Variants in EXD3 observed in about 807,000 individuals in gnomAD.
EXD3 encodes exonuclease 3'-5' domain containing 3.
In EXD3, 92 loss-of-function variants were observed where a neutral mutation model predicts 98.0. The observed-to-expected ratio is 0.94, with a 90% CI of 0.79 to 1.12. EXD3 has a LOEUF of 1.12. EXD3 is among the 50% of genes most tolerant of loss of function. EXD3 has a pLI of 0.00. For synonymous variants in EXD3, 569 were observed against 526.0 expected, an observed-to-expected ratio of 1.08 and a Z score of -1.12; for missense variants, 1,222 against 1,191.6, an observed-to-expected ratio of 1.03 and a Z score of -0.38.
At position 137,347,588 on chromosome 9, in the gene EXD3, C is replaced by T. The variant is rs142624258; in HGVS notation, c.1998+483G>A. Among the ~76,000 whole-genome samples, 4,166 of 151,954 alleles carry T rather than the reference C, an allele frequency of 0.027. 166 individuals are homozygous for T. The highest frequency in any genetic ancestry group is 0.087 in the African/African-American group (3,605 of 41,440). Reference sequence around the variant, plus strand: ...CCTCCTGAGTAGTTGGGATTACAGGCGCCCGCCACTACGCCTGGCTAATTT... The same window carrying T: ...CCTCCTGAGTAGTTGGGATTACAGGTGCCCGCCACTACGCCTGGCTAATTT... On this transcript the variant is annotated intron_variant, in intron 17 of 21. Transcript: ENST00000340951. This position sits in a 1 kb window ranked among gnomAD's most constrained non-coding sequence, Gnocchi z 4.2.
At chr9:137,314,974 T>C (rs1442111836) in intron 19 of EXD3, among the ~76,000 whole-genome samples, 2 of 152,170 alleles carry the variant, frequency 1.3e-5, no homozygotes, top group Non-Finnish European at 2.9e-5. Flanking sequence ...TGTCAGGGTG[T>C]GAGCCAGGAA....
chr9:137,336,083 C>A (rs1379061009), intron 17 of EXD3, among the ~76,000 whole-genome samples: 1 of 152,042 alleles, frequency 6.6e-6, no homozygotes, highest in African/African-American at 2.4e-5. Flanking sequence ...TGGGAACTAA[C>A]CTATGGGTAC....
chr9:137,328,038 A>G (rs1011634706), intron 17 of EXD3, among the ~76,000 whole-genome samples: 11 of 141,036 alleles, frequency 7.8e-5, no homozygotes, highest in Admixed American at 2.2e-4. Context: ...AGTAAAAACA[A>G]CGAATAAACA....
chr9:137,352,225 GCCC>G (rs1564503283), intron 11 of EXD3, 24 bp from the exon 12 acceptor site: 2 of 1,611,872 alleles, frequency 1.2e-6, no homozygotes, highest in Admixed American at 1.7e-5. Flanking sequence ...AGCTGGTAGC[GCCC>G]CCATGTCCCT....
At chr9:137,382,221 C>G (rs1448279718) in intron 3 of EXD3, among the ~76,000 whole-genome samples, 1 of 98,960 alleles carries the variant, frequency 1.0e-5, no homozygotes, top group Non-Finnish European at 2.0e-5. Context: ...ACAGGCCCAC[C>G]CCATGAAGAT....
chr9:137,309,761 G>T, intron 19 of EXD3, 61 bp from the exon 20 acceptor site: 2 of 1,294,842 alleles, frequency 1.5e-6, no homozygotes, highest in Non-Finnish European at 1.1e-6. Flanking sequence ...CCATACCCCA[G>T]CCCTCTGCTC....
intron 10 of EXD3, 61 bp downstream of exon 10, chr9:137,354,278 G>A (rs747004961): frequency 1.9e-6 from 3 of 1,596,146 alleles, no homozygotes; most frequent in African/African-American, 2.7e-5. Flanking sequence ...CTCCGGGCCT[G>A]TGCCCCTAGG....
intron 1 of EXD3, among the ~76,000 whole-genome samples, chr9:137,397,083 A>G (rs573823607): frequency 6.6e-6 from 1 of 152,300 alleles, no homozygotes; most frequent in African/African-American, 2.4e-5. Flanking sequence ...GGCTGAGAAT[A>G]CAGTGGAGAC....
chr9:137,415,192 A>C (rs1204456940), intron 1 of EXD3, among the ~76,000 whole-genome samples: 1 of 143,104 alleles, frequency 7.0e-6, no homozygotes, highest in Admixed American at 7.0e-5. Context: ...TGGGCCTGTC[A>C]CAGGTTTGTT....
intron 17 of EXD3, among the ~76,000 whole-genome samples, chr9:137,326,576 G>T (rs1039141270): frequency 6.6e-6 from 1 of 152,076 alleles, no homozygotes; most frequent in Non-Finnish European, 1.5e-5. Flanking sequence ...CTTCTTCAAA[G>T]ATATACGCGT....
Position 137,395,345 on chromosome 9 carries a change from C to CT in EXD3, c.12dup (p.Asp5ArgfsTer5), listed in dbSNP as rs757704852. On this transcript the variant is annotated frameshift_variant, in exon 2 of 22. Coordinates refer to ENST00000340951, the MANE Select transcript of EXD3 (RefSeq NM_017820.5). LOFTEE classifies it high-confidence loss of function. This position sits in a 1 kb window ranked among gnomAD's most constrained non-coding sequence, Gnocchi z 6.5. Reference sequence around the variant, plus strand: ...CCAGCGGCAGGGTCACCAGCGGGATCTCCTGGGTCCATCCTCAGGGCCGGG... The same window carrying CT: ...CCAGCGGCAGGGTCACCAGCGGGATCTTCCTGGGTCCATCCTCAGGGCCGGG... The CT allele has an allele frequency of 3.1e-6, 5 of 1,613,366 alleles. No homozygotes were observed. Among genetic ancestry groups the CT allele is most frequent in the Non-Finnish European group, 4.2e-6 (5 of 1,179,812 alleles).
At chr9:137,392,259 T>G (rs2131752336) in intron 2 of EXD3, 1 of 152,740 alleles carries the variant, frequency 6.5e-6, no homozygotes, top group East Asian at 1.9e-4. Context: ...CCCCTTCTCC[T>G]GTCCCGATGA....
In EXD3 at chr9:137,349,930, G is replaced by A. The variant is rs1414921991; in HGVS notation, c.1495-399C>T. Among the ~76,000 whole-genome samples the A allele has an allele frequency of 6.6e-6, 1 of 151,990 alleles. No individual in the cohort carries two copies. Among genetic ancestry groups the A allele is most frequent in the Admixed American group, 6.6e-5 (1 of 15,266 alleles). Reference sequence around the variant, plus strand: ...CAAAATGCAGCGAAACCACCCCCGGGGGGCTCTAGTGCTCATGCTAGGGGC... The same window carrying A: ...CAAAATGCAGCGAAACCACCCCCGGAGGGCTCTAGTGCTCATGCTAGGGGC... On this transcript the variant is annotated intron_variant, in intron 14 of 21. Transcript: ENST00000340951. The surrounding 1 kb of genome is among the most constrained non-coding windows in gnomAD (Gnocchi z 7.4).
intron 11 of EXD3, 87 bp downstream of exon 11, chr9:137,352,533 G>A (rs1399449798): frequency 1.8e-5 from 23 of 1,282,570 alleles, no homozygotes; most frequent in South Asian, 3.1e-5. Context: ...AGCCACTGGC[G>A]TGAAGACTGG....
intron 21 of EXD3, 97 bp from the exon 22 acceptor site, chr9:137,307,360 C>A: frequency 7.0e-7 from 1 of 1,423,852 alleles, no homozygotes; most frequent in South Asian, 1.5e-5. Flanking sequence ...ACGCTGAGCC[C>A]ACGCTCACTC....
chr9:137,388,266 C>T (rs779335542), intron 2 of EXD3, among the ~76,000 whole-genome samples: 2 of 152,094 alleles, frequency 1.3e-5, no homozygotes, highest in Non-Finnish European at 2.9e-5. Flanking sequence ...TGGGGTTGGC[C>T]TGAGGGTGTC....
At chr9:137,368,115 G>T (rs1416371577) in intron 5 of EXD3, 126 bp from the exon 6 acceptor site, 3 of 765,406 alleles carry the variant, frequency 3.9e-6, no homozygotes, top group Non-Finnish European at 6.3e-6. Flanking sequence ...GGGCCTTCCC[G>T]TGTTCAGCCA....
intron 18 of EXD3, 23 bp from the exon 19 acceptor site, chr9:137,323,879 C>T (rs1832234432): frequency 6.3e-7 from 1 of 1,595,774 alleles, no homozygotes; most frequent in Non-Finnish European, 8.5e-7. Context: ...GGCTCGGCTA[C>T]TGAGGGGCAG....
intron 1 of EXD3, among the ~76,000 whole-genome samples, chr9:137,397,929 C>T (rs905882290): frequency 2.9e-5 from 4 of 137,460 alleles, no homozygotes; most frequent in African/African-American, 1.0e-4. Context: ...CATGACAGAG[C>T]GAGACCCTGT....
Sources: allele counts gnomAD v4.1 joint callset (sites outside exome capture counted in the v4.1 genomes callset), GRCh38; gene constraint gnomAD v4.1.1; non-coding constraint Gnocchi (gnomAD v3.1); transcripts MANE v1.5; gene names NCBI Gene and HGNC (gene_info 2026-07-23, HGNC 2026-07-21).